LCOR: variants seen among roughly 807,000 people sequenced by gnomAD.
LCOR encodes the protein ligand-dependent corepressor.
A neutral mutation model predicts 64.4 loss-of-function variants in LCOR; 14 were observed. The ratio of observed to expected loss-of-function variants is 0.22; its 90% CI spans 0.14 to 0.34. LCOR has a LOEUF of 0.34. Ranked by LOEUF, LCOR falls within the 10% of genes least tolerant of loss-of-function variation. The pLI is 1.00. For synonymous variants in LCOR, 643 were observed against 642.5 expected (o/e 1.00, Z -0.01); for missense variants, 1,686 against 1,765.3 (o/e 0.96, Z 0.80).
At chr10:96,884,951 T>C (rs1846318112) in intron 2 of LCOR, among the ~76,000 whole-genome samples, 1 of 152,166 alleles carries the variant, frequency 6.6e-6, no homozygotes, top group Admixed American at 6.6e-5. Flanking sequence ...TTGATGTGTG[T>C]GTTTGTTGGG....
chr10:96,939,944 C>G (rs1197205117), intron 4 of LCOR, among the ~76,000 whole-genome samples: 5 of 152,224 alleles, frequency 3.3e-5, no homozygotes, highest in Non-Finnish European at 5.9e-5. Flanking sequence ...GCCTAGGCAA[C>G]AGAGTGAGAC....
Position 96,984,325 on chromosome 10 carries a change from G to C in LCOR, c.3865G>C (p.Val1289Leu). The C allele has an allele frequency of 6.2e-7, 1 of 1,614,126 alleles. No individual in the cohort carries two copies. The change falls in exon 8 of 8, where the codon GTC becomes CTC. Residue 1289 changes from valine to leucine, a missense_variant. This residue lies in a region of LCOR where 1,293 missense variants were observed against 1,410.4 expected (regional missense o/e 0.92). Coordinates refer to ENST00000421806, the MANE Select transcript of LCOR (RefSeq NM_001346516.2). ...TAATTCTGAAGACAGCATAGAGGAA[G>C]TCAAGGAAGATAGAAACAGTCATCC... ...GPNSEDSIEE[V>L]KEDRNSHPPA...
intron 4 of LCOR, among the ~76,000 whole-genome samples, chr10:96,911,939 T>C (rs913932299): frequency 1.3e-5 from 2 of 152,152 alleles, no homozygotes; most frequent in African/African-American, 2.4e-5. Flanking sequence ...TTTCTTTCTT[T>C]CTTTTTTTTT....
chr10:96,991,969 T>C lies in LCOR; in HGVS notation c.*6835T>C, dbSNP rs1442730457. Reference sequence around the variant, plus strand: ...CTAGTATTTAGTTGTTGGGTTTAAATGCTATTCAATTTATCCACTTTTTTT... The same window carrying C: ...CTAGTATTTAGTTGTTGGGTTTAAACGCTATTCAATTTATCCACTTTTTTT... On this transcript the variant is annotated 3_prime_UTR_variant, in exon 8 of 8. Transcript: ENST00000421806. 3 of 152,252 alleles carry C rather than the reference T, an allele frequency of 2.0e-5. No homozygotes were observed. The highest frequency in any genetic ancestry group is 4.4e-5 in the Non-Finnish European group (3 of 68,052). 9.4% of individuals were successfully genotyped at this position (152,252 alleles called of 1,614,324 possible). A position where few individuals can be genotyped will look rare whatever the true frequency, so the allele number is the denominator to read the frequency against.
chr10:96,915,851 T>C (rs1179799893), intron 4 of LCOR: 1 of 499,670 alleles, frequency 2.0e-6, no homozygotes, highest in South Asian at 1.8e-5. Flanking sequence ...TGGTTAGTCC[T>C]TTAACTTGGC....
intron 2 of LCOR, among the ~76,000 whole-genome samples, chr10:96,841,272 CAG>C (rs776951891): frequency 5.3e-5 from 8 of 151,572 alleles, no homozygotes; most frequent in Non-Finnish European, 1.0e-4. Flanking sequence ...TTTAAAATAA[CAG>C]AAAGCAGAAA....
chr10:96,955,140 A>G lies in LCOR; in HGVS notation c.332+2944A>G, dbSNP rs749388061. On this transcript the variant is annotated intron_variant, in intron 7 of 7. Coordinates refer to ENST00000421806, the MANE Select transcript of LCOR (RefSeq NM_001346516.2). ...CAGAAACCAATTGTCCACAGCTGCC[A>G]GCCTTGGGCCATCTGGATTACAGAA... 4 of 1,614,090 alleles carry G rather than the reference A, an allele frequency of 2.5e-6. No homozygotes were observed. In the South Asian group the frequency reaches 4.4e-5, roughly 18 times the overall value.
At chr10:96,926,623 A>G (rs555611980) in intron 4 of LCOR, among the ~76,000 whole-genome samples, 1 of 152,246 alleles carries the variant, frequency 6.6e-6, no homozygotes, top group East Asian at 1.9e-4. Flanking sequence ...AATTTTGGTA[A>G]ATGTATACAG....
At chr10:96,853,312 G>GC (rs1369838341) in intron 2 of LCOR, among the ~76,000 whole-genome samples, 1 of 152,090 alleles carries the variant, frequency 6.6e-6, no homozygotes, top group African/African-American at 2.4e-5. Context: ...CCTCCCAAGT[G>GC]CTGGGGTTAC....
At chr10:96,882,305 G>A (rs182700638) in intron 2 of LCOR, among the ~76,000 whole-genome samples, 9 of 152,268 alleles carry the variant, frequency 5.9e-5, no homozygotes, top group East Asian at 1.9e-4. Flanking sequence ...AGTATGTCAC[G>A]AAAATCCAGC....
At chr10:96,930,600 A>G (rs1554838147) in intron 4 of LCOR, among the ~76,000 whole-genome samples, 1 of 152,178 alleles carries the variant, frequency 6.6e-6, no homozygotes, top group Non-Finnish European at 1.5e-5. Context: ...AAGCATTTCT[A>G]GTGGCTTTGA....
At chr10:96,934,857 C>T (rs944559956) in intron 4 of LCOR, among the ~76,000 whole-genome samples, 1 of 152,294 alleles carries the variant, frequency 6.6e-6, no homozygotes, top group East Asian at 1.9e-4. Flanking sequence ...TCGCCTCGGC[C>T]TCCAAAAGGG....
At chr10:96,858,831 G>A (rs1845843754) in intron 2 of LCOR, among the ~76,000 whole-genome samples, 1 of 152,108 alleles carries the variant, frequency 6.6e-6, no homozygotes, top group South Asian at 2.1e-4. Flanking sequence ...TTAGATTCCA[G>A]AACCCTGCCT....
At chr10:96,958,186 T>G in intron 7 of LCOR, 1 of 1,278,276 alleles carries the variant, frequency 7.8e-7, no homozygotes, top group Non-Finnish European at 9.9e-7. Context: ...TTTGAGAAAA[T>G]TAATTTGTGC....
At chr10:96,920,748 G>GTA (rs1554837289) in intron 4 of LCOR, among the ~76,000 whole-genome samples, 1 of 80,478 alleles carries the variant, frequency 1.2e-5, no homozygotes, top group East Asian at 4.6e-4. Flanking sequence ...GTGTATATAT[G>GTA]TATACACACA....
intron 7 of LCOR, among the ~76,000 whole-genome samples, chr10:96,969,541 G>T (rs1217155029): frequency 6.6e-6 from 1 of 152,102 alleles, no homozygotes; most frequent in African/African-American, 2.4e-5. Context: ...TACATGCTTT[G>T]TAGACTTCTT....
At chr10:96,839,365 T>A (rs534264343) in intron 2 of LCOR, among the ~76,000 whole-genome samples, 81 of 152,296 alleles carry the variant, frequency 5.3e-4, no homozygotes, top group Non-Finnish European at 9.7e-4. Flanking sequence ...AACTGCAGGA[T>A]ACCTTATGAA....
At chr10:96,976,497 G>T (rs977193104) in intron 7 of LCOR, among the ~76,000 whole-genome samples, 32 of 152,186 alleles carry the variant, frequency 2.1e-4, no homozygotes, top group African/African-American at 7.5e-4. Context: ...ACCTGTGGCT[G>T]TCTAATGGGG....
chr10:96,965,300 C>A (rs180736340), intron 7 of LCOR, among the ~76,000 whole-genome samples: 2 of 151,472 alleles, frequency 1.3e-5, no homozygotes, highest in Non-Finnish European at 2.9e-5. Flanking sequence ...TGAGCCACTG[C>A]GCCAGACTGC....
Sources: gnomAD v4.1 joint callset for allele counts (sites outside exome capture counted in the v4.1 genomes callset) on GRCh38, gnomAD v4.1.1 for gene constraint, gnomAD v4.1.1 regional missense constraint, MANE v1.5 for transcripts, NCBI Gene and HGNC (gene_info 2026-07-23, HGNC 2026-07-21) for gene names.